Variants in NFIB observed in about 807,000 individuals in gnomAD.
NFIB encodes nuclear factor I B.
NFIB carries 11 observed loss-of-function variants against 61.5 expected under a neutral mutation model. That is an observed-to-expected ratio of 0.18 (90% CI 0.11 to 0.30). NFIB has a LOEUF of 0.30. Ranked by LOEUF, NFIB falls within the 10% of genes least tolerant of loss-of-function variation. NFIB has a pLI of 1.00. For synonymous variants in NFIB, 260 were observed against 216.5 expected (o/e 1.20, Z -1.76); for missense variants, 471 against 608.9 (o/e 0.77, Z 2.38).
At chr9:14,207,142 T>A (rs575783357) in intron 2 of NFIB, among the ~76,000 whole-genome samples, 2 of 152,298 alleles carry the variant, frequency 1.3e-5, no homozygotes, top group African/African-American at 4.8e-5. Flanking sequence ...CTATTATTAT[T>A]CCCATTTTCA....
At chr9:14,298,670 AAGGGC>A (rs2059581532) in intron 2 of NFIB, among the ~76,000 whole-genome samples, 18 of 152,210 alleles carry the variant, frequency 1.2e-4, no homozygotes, top group Admixed American at 9.2e-4. Flanking sequence ...CTGGTGTGTA[AAGGGC>A]GGGCTTGGGC....
At chr9:14,164,626 T>C (rs1441849793) in intron 3 of NFIB, among the ~76,000 whole-genome samples, 1 of 152,150 alleles carries the variant, frequency 6.6e-6, no homozygotes, top group Non-Finnish European at 1.5e-5. Context: ...AAAACAATTA[T>C]GAGAGAATAA....
At chr9:14,388,666 T>C (rs1393175600) in intron 1 of NFIB, among the ~76,000 whole-genome samples, 3 of 152,174 alleles carry the variant, frequency 2.0e-5, no homozygotes, top group Non-Finnish European at 4.4e-5. Flanking sequence ...GACCAACTTC[T>C]AGATAGCAAT....
intron 2 of NFIB, among the ~76,000 whole-genome samples, chr9:14,194,252 T>A (rs528309700): frequency 6.6e-6 from 1 of 152,188 alleles, no homozygotes; most frequent in Non-Finnish European, 1.5e-5. Flanking sequence ...GCAATAACTT[T>A]CACTTTTTAT....
At chr9:14,439,203 T>C in the NFIB span, among the ~76,000 whole-genome samples, 1 of 152,146 alleles carries the variant, frequency 6.6e-6, no homozygotes, top group East Asian at 1.9e-4. Context: ...AAATCCCCTC[T>C]CTACAAAAAA....
At chr9:14,184,942 G>C (rs1178168651) in intron 2 of NFIB, among the ~76,000 whole-genome samples, 3 of 152,128 alleles carry the variant, frequency 2.0e-5, no homozygotes, top group Non-Finnish European at 2.9e-5. Flanking sequence ...AGAATCACTT[G>C]GACCTGGGAG....
chr9:14,350,506 G>C (rs954111241), intron 1 of NFIB, among the ~76,000 whole-genome samples: 1 of 144,816 alleles, frequency 6.9e-6, no homozygotes, highest in African/African-American at 2.5e-5. Flanking sequence ...CGAAAGACCT[G>C]GGTGGGGTGG....
At chr9:14,111,231 T>C (rs1163196440) in intron 10 of NFIB, among the ~76,000 whole-genome samples, 1 of 152,156 alleles carries the variant, frequency 6.6e-6, no homozygotes, top group Non-Finnish European at 1.5e-5. Flanking sequence ...TCTTGATATA[T>C]TTTTAGATAT....
At chr9:14,341,939 G>GAAA (rs5896628) in intron 1 of NFIB, among the ~76,000 whole-genome samples, 1 of 140,660 alleles carries the variant, frequency 7.1e-6, no homozygotes. Flanking sequence ...TCCTCGGGAG[G>GAAA]AAAAAAAAAA....
chr9:14,308,464 A>G (rs1036826499), intron 1 of NFIB, among the ~76,000 whole-genome samples: 26 of 152,210 alleles, frequency 1.7e-4, no homozygotes, highest in African/African-American at 6.3e-4. Context: ...GCAGCCCCAC[A>G]GAGTCCGTTA....
At chr9:14,220,949 A>G (rs2051592143) in intron 2 of NFIB, among the ~76,000 whole-genome samples, 1 of 150,464 alleles carries the variant, frequency 6.6e-6, no homozygotes, top group South Asian at 2.1e-4. Context: ...GCTCTGAACT[A>G]CGTTATATCC....
At chr9:14,497,294 AT>A in the NFIB span, among the ~76,000 whole-genome samples, 1 of 152,226 alleles carries the variant, frequency 6.6e-6, no homozygotes, top group African/African-American at 2.4e-5. Context: ...TAAGGTGAAC[AT>A]GGGACAGGTG....
chr9:14,239,812 T>A (rs2054168685), intron 2 of NFIB, among the ~76,000 whole-genome samples: 1 of 152,044 alleles, frequency 6.6e-6, no homozygotes, highest in Non-Finnish European at 1.5e-5. Flanking sequence ...CAGAATAAAT[T>A]ATGAAAACAG....
the NFIB span, among the ~76,000 whole-genome samples, chr9:14,425,638 C>T: frequency 7.6e-6 from 1 of 132,166 alleles, no homozygotes; most frequent in African/African-American, 2.8e-5. Context: ...TTTTGCTATC[C>T]ACTGAAGCTT....
chr9:14,170,178 G>A (rs982363829), intron 3 of NFIB, among the ~76,000 whole-genome samples: 2 of 152,176 alleles, frequency 1.3e-5, no homozygotes, highest in Admixed American at 6.5e-5. Context: ...CAAGCCTAGA[G>A]CAAGTCCACT....
chr9:14,352,603 G>T (rs143300661), intron 1 of NFIB, among the ~76,000 whole-genome samples: 1 of 152,214 alleles, frequency 6.6e-6, no homozygotes, highest in Admixed American at 6.5e-5. Context: ...AATTGGACAA[G>T]CAAGTGTTTC....
intron 8 of NFIB, among the ~76,000 whole-genome samples, chr9:14,119,427 G>A (rs974994528): frequency 5.9e-5 from 9 of 152,086 alleles, no homozygotes; most frequent in Middle Eastern, 3.2e-3. Flanking sequence ...TCCTGGATGC[G>A]TTGTTATTCT....
At chr9:14,404,762 T>C in the NFIB span, among the ~76,000 whole-genome samples, 1 of 152,170 alleles carries the variant, frequency 6.6e-6, no homozygotes, top group Non-Finnish European at 1.5e-5. Flanking sequence ...GAACCTATTC[T>C]AGCGTGGATG....
chr9:14,478,751 T>G, the NFIB span, among the ~76,000 whole-genome samples: 22 of 152,224 alleles, frequency 1.4e-4, no homozygotes, highest in Non-Finnish European at 2.1e-4. Context: ...TCTACAATTT[T>G]TCACTCTTAT....
Sources: allele counts gnomAD v4.1 joint callset (sites outside exome capture counted in the v4.1 genomes callset), GRCh38; gene constraint gnomAD v4.1.1; transcripts MANE v1.5; gene names NCBI Gene and HGNC (gene_info 2026-07-23, HGNC 2026-07-21).